Variants in GALNT13 observed in about 807,000 individuals in gnomAD.
GALNT13 encodes UDP-GalNAc:polypeptide N-acetylgalactosaminyltransferase 13.
GALNT13 carries 28 observed loss-of-function variants against 64.2 expected under a neutral mutation model. That is an observed-to-expected ratio of 0.44 (90% CI 0.32 to 0.60). GALNT13 has a LOEUF of 0.60. Among genes scored for constraint, GALNT13 ranks in the 20% least tolerant of loss-of-function variants. GALNT13 has a pLI of 0.05. For synonymous variants in GALNT13, 214 were observed against 224.6 expected, an observed-to-expected ratio of 0.95 and a Z score of 0.42; for missense variants, 577 against 669.8, an observed-to-expected ratio of 0.86 and a Z score of 1.53.
chr2:154,146,379 C>A (rs568702072), intron 4 of GALNT13, among the ~76,000 whole-genome samples: 2 of 151,882 alleles, frequency 1.3e-5, no homozygotes, highest in East Asian at 3.9e-4. Context: ...CTTGAACTAC[C>A]CCTCCATAGT....
intron 2 of GALNT13, among the ~76,000 whole-genome samples, chr2:153,943,433 TAAG>T (rs1691484409): frequency 6.6e-6 from 1 of 152,154 alleles, no homozygotes; most frequent in African/African-American, 2.4e-5. Flanking sequence ...TTGCTCTACT[TAAG>T]AATATGAGAA....
the GALNT13 span, among the ~76,000 whole-genome samples, chr2:153,617,380 AT>A: frequency 1.3e-5 from 2 of 151,964 alleles, no homozygotes; most frequent in Non-Finnish European, 2.9e-5. Flanking sequence ...ATTTGCATAC[AT>A]TGAACCATCC....
At chr2:153,884,180 G>A (rs1686975828) in intron 1 of GALNT13, among the ~76,000 whole-genome samples, 1 of 151,932 alleles carries the variant, frequency 6.6e-6, no homozygotes, top group Non-Finnish European at 1.5e-5. Context: ...ACATTAGGAG[G>A]AAAGATACAG....
chr2:153,987,415 T>G (rs1283089456), intron 3 of GALNT13, among the ~76,000 whole-genome samples: 1 of 151,906 alleles, frequency 6.6e-6, no homozygotes, highest in Admixed American at 6.6e-5. Context: ...AGACAACTGT[T>G]AAGCAAGAAG....
At chr2:153,970,991 T>C (rs1207942338) in intron 3 of GALNT13, among the ~76,000 whole-genome samples, 2 of 152,206 alleles carry the variant, frequency 1.3e-5, no homozygotes, top group African/African-American at 4.8e-5. Context: ...GTTCTGTGCC[T>C]TGAGCACTGG....
the GALNT13 span, among the ~76,000 whole-genome samples, chr2:153,143,903 G>A: frequency 5.6e-3 from 854 of 151,994 alleles, no homozygotes; most frequent in African/African-American, 9.6e-3. Flanking sequence ...TGCCCTCAGC[G>A]TATCTTTAAA....
the GALNT13 span, among the ~76,000 whole-genome samples, chr2:153,596,961 AT>A: frequency 3.9e-5 from 6 of 152,162 alleles, no homozygotes; most frequent in Admixed American, 3.9e-4. Flanking sequence ...TATCTGTTAT[AT>A]GGAAAACACC....
At chr2:153,627,705 A>G in the GALNT13 span, among the ~76,000 whole-genome samples, 1 of 152,156 alleles carries the variant, frequency 6.6e-6, no homozygotes, top group Non-Finnish European at 1.5e-5. Flanking sequence ...GTTTGAGAAG[A>G]CAGAAGGAGA....
the GALNT13 span, among the ~76,000 whole-genome samples, chr2:153,339,151 G>T: frequency 1.3e-5 from 2 of 152,176 alleles, no homozygotes; most frequent in East Asian, 3.8e-4. Context: ...TAATGGGATT[G>T]GTGGGTTGTG....
the GALNT13 span, among the ~76,000 whole-genome samples, chr2:153,279,615 G>A: frequency 6.6e-6 from 1 of 151,994 alleles, no homozygotes; most frequent in Non-Finnish European, 1.5e-5. Flanking sequence ...TCTATTGAGA[G>A]AATTGTGATT....
chr2:153,539,830 G>A, the GALNT13 span, among the ~76,000 whole-genome samples: 1 of 152,074 alleles, frequency 6.6e-6, no homozygotes, highest in African/African-American at 2.4e-5. Context: ...GTAGTGTGAT[G>A]CCTCCAGCTT....
the GALNT13 span, among the ~76,000 whole-genome samples, chr2:153,743,912 G>A: frequency 2.8e-4 from 43 of 152,040 alleles, no homozygotes; most frequent in Non-Finnish European, 4.7e-4. Context: ...ACAAATAAGT[G>A]AGAATAGGCC....
chr2:154,315,230 G>A (rs576276079), intron 9 of GALNT13, among the ~76,000 whole-genome samples: 26 of 152,162 alleles, frequency 1.7e-4, no homozygotes, highest in Middle Eastern at 3.4e-3. Flanking sequence ...CTTGGTAGCC[G>A]TTCTTCCTCA....
intron 9 of GALNT13, among the ~76,000 whole-genome samples, chr2:154,351,575 C>G (rs1696406032): frequency 6.6e-6 from 1 of 151,310 alleles, no homozygotes; most frequent in African/African-American, 2.4e-5. Flanking sequence ...CCCAGCTACT[C>G]TGGAGGCTGA....
the GALNT13 span, among the ~76,000 whole-genome samples, chr2:153,744,639 G>A: frequency 6.6e-6 from 1 of 152,076 alleles, no homozygotes; most frequent in Admixed American, 6.6e-5. Flanking sequence ...GGAAATTCCA[G>A]GTTGTTTCTC....
chr2:153,558,826 A>G, the GALNT13 span, among the ~76,000 whole-genome samples: 1 of 152,222 alleles, frequency 6.6e-6, no homozygotes, highest in African/African-American at 2.4e-5. Flanking sequence ...AGATAATAGT[A>G]TCTTTCACTT....
chr2:153,904,715 A>C (rs1688443449), intron 2 of GALNT13, among the ~76,000 whole-genome samples: 1 of 151,790 alleles, frequency 6.6e-6, no homozygotes, highest in Non-Finnish European at 1.5e-5. Flanking sequence ...ATATGCTGCA[A>C]AGTTCTCCTT....
At chr2:153,757,690 G>A in the GALNT13 span, among the ~76,000 whole-genome samples, 1 of 152,058 alleles carries the variant, frequency 6.6e-6, no homozygotes, top group Non-Finnish European at 1.5e-5. Flanking sequence ...ATAAGTGTAA[G>A]GACATACCTC....
At chr2:154,328,817 T>C (rs1695014342) in intron 9 of GALNT13, among the ~76,000 whole-genome samples, 1 of 152,130 alleles carries the variant, frequency 6.6e-6, no homozygotes, top group African/African-American at 2.4e-5. Flanking sequence ...AAAAGTGTAA[T>C]GTGAAAATGA....
Sources: allele counts gnomAD v4.1 joint callset (sites outside exome capture counted in the v4.1 genomes callset), GRCh38; gene constraint gnomAD v4.1.1; transcripts MANE v1.5; gene names NCBI Gene and HGNC (gene_info 2026-07-23, HGNC 2026-07-21).